ADAT1: variants seen among roughly 807,000 people sequenced by gnomAD.
ADAT1 encodes the protein adenosine deaminase tRNA specific 1.
Under a neutral mutation model 58.6 loss-of-function variants are expected in ADAT1, and 58 were observed. The ratio of observed to expected loss-of-function variants is 0.99; its 90% confidence interval spans 0.80 to 1.23. The LOEUF is 1.23. Among genes scored for constraint, ADAT1 ranks in the 50% most tolerant of loss-of-function variants. The pLI is 0.00. For synonymous variants in ADAT1, 254 were observed against 220.8 expected (o/e 1.15, Z -1.33); for missense variants, 741 against 608.6 (o/e 1.22, Z -2.29).
chr16:75,620,476 C>A, intron 2 of ADAT1, 142 bp from the exon 3 acceptor site: 1 of 1,400,180 alleles, frequency 7.1e-7, no homozygotes, highest in East Asian at 2.3e-5. Context: ...GGCGGTCTCC[C>A]GCCATCAGAG....
chr16:75,608,467 G>A, intron 7 of ADAT1, 144 bp from the exon 8 acceptor site: 1 of 671,894 alleles, frequency 1.5e-6, no homozygotes, highest in Non-Finnish European at 2.5e-6. Flanking sequence ...TTGGATGCTT[G>A]GCCTCCAGGG....
intron 5 of ADAT1, among the ~76,000 whole-genome samples, chr16:75,613,633 T>A (rs1347030367): frequency 1.3e-5 from 2 of 152,094 alleles, no homozygotes; most frequent in Non-Finnish European, 2.9e-5. Context: ...TTGGACTGTA[T>A]CACTGTTTGC....
rs1163510620 is a variant in ADAT1, at chr16:75,618,098, C to CAAAAAAAA, written c.293+480_293+487dup. ...AGGTAACAGAGCAAGACCCTGTGTC[C>CAAAAAAAA]AAAAAAAAAAAAAAAAAAAAAAAAA... is the stretch of plus-strand genomic sequence containing the variant. On this transcript the variant is annotated intron_variant, in intron 4 of 9. Coordinates refer to ENST00000564657, the MANE Select transcript of ADAT1 (RefSeq NM_001324445.2). Among the ~76,000 whole-genome samples the CAAAAAAAA allele has an allele frequency of 2.9e-3, 94 of 32,530 alleles. 6 individuals carry two copies. Among genetic ancestry groups the CAAAAAAAA allele is most frequent in the African/African-American group, 7.3e-3 (85 of 11,590 alleles). 21.3% of individuals were successfully genotyped at this position (32,530 alleles called of 152,430 possible).
chr16:75,621,345 C>T (rs1323750261), intron 1 of ADAT1, among the ~76,000 whole-genome samples: 3 of 151,878 alleles, frequency 2.0e-5, no homozygotes, highest in African/African-American at 2.4e-5. Flanking sequence ...TCAGCAGTTA[C>T]GTGTTCTCAT....
Position 75,612,399 on chromosome 16 carries a change from G to C in ADAT1, c.887C>G (p.Ser296Cys), listed in dbSNP as rs140510876. The change falls in exon 6 of 10, where the codon TCC becomes TGC. Residue 296 changes from serine (S) to cysteine (C), a missense_variant. Ser to Cys is a moderately radical substitution (Grantham distance 112, BLOSUM62 -1). Transcript: ENST00000564657. Reference sequence around the variant, plus strand: ...GGCCATCTTGTCACTACAGGACATGGAGCGTGTTCTGTCTCCACGGCCTGG... The same window carrying C: ...GGCCATCTTGTCACTACAGGACATGCAGCGTGTTCTGTCTCCACGGCCTGG... ...VKPGRGDRTR[S>C]MSCSDKMARW... The C allele has an allele frequency of 6.2e-7, 1 of 1,614,116 alleles. No individual in the cohort carries two copies. Among genetic ancestry groups the C allele is most frequent in the African/African-American group, 1.3e-5 (1 of 74,940 alleles).
At position 75,608,239 on chromosome 16, in the gene ADAT1, C is replaced by A. The variant is rs568839932; in HGVS notation, c.1274G>T (p.Gly425Val). The A allele has an allele frequency of 6.2e-7, 1 of 1,613,994 alleles. No individual in the cohort carries two copies. The highest frequency in any genetic ancestry group is 1.3e-5 in the African/African-American group (1 of 75,032). The stretch of plus-strand genomic sequence containing the variant: ...TATGCTGTACCTTGCCTGAAGGCTT[C>A]CAATTGTTTTCTTTGTTGTTCCCTG... ...FPQGTTKKTI[G>V]SLQARSQISK... is the part of the protein sequence containing the mutation. Residue 425 changes from glycine to valine, a missense_variant, in exon 8 of 10, where the codon GGA (glycine) becomes GTA (valine). Gly to Val is a moderately radical substitution (Grantham distance 109, BLOSUM62 -3). Transcript: ENST00000564657.
Position 75,608,954 on chromosome 16 carries a change from CG to C in ADAT1, c.1077del (p.Phe359LeufsTer6). The C allele has an allele frequency of 6.2e-7, 1 of 1,614,172 alleles. No individual in the cohort carries two copies. Among genetic ancestry groups the C allele is most frequent in the Non-Finnish European group, 8.5e-7 (1 of 1,180,034 alleles). ...CQNVSALPKG[F>X]GVQELKILQS... ...TGCAGTATTTTTAATTCTTGAACTC[CG>C]AAGCCTTTTGGTAAAGCAGACACAT... On this transcript the variant is annotated frameshift_variant, in exon 7 of 10. Coordinates refer to ENST00000564657, the MANE Select transcript of ADAT1 (RefSeq NM_001324445.2). LOFTEE classifies it high-confidence loss of function.
intron 1 of ADAT1, among the ~76,000 whole-genome samples, chr16:75,621,345 C>A (rs1323750261): frequency 6.6e-6 from 1 of 151,878 alleles, no homozygotes; most frequent in Non-Finnish European, 1.5e-5. Flanking sequence ...TCAGCAGTTA[C>A]GTGTTCTCAT....
At chr16:75,617,115 T>C (rs1468851188) in intron 5 of ADAT1, 27 bp downstream of exon 5, 1 of 1,588,456 alleles carries the variant, frequency 6.3e-7, no homozygotes. Flanking sequence ...TCATGTAACA[T>C]TAATCCAAAG....
At position 75,600,331 on chromosome 16, in the gene ADAT1, G is replaced by C; in HGVS notation, c.1394C>G (p.Thr465Ser). 6.2e-7 allele frequency: 1 copy of C among 1,613,816 alleles called. No individual in the cohort carries two copies. Among genetic ancestry groups the C allele is most frequent in the South Asian group, 1.1e-5 (1 of 91,054 alleles). Reference sequence around the variant, plus strand: ...CGCAGCCTCCTTGTACTCCTGGTAGGTATCCAGCTTCTGCACCCTAATGCA... The same window carrying C: ...CGCAGCCTCCTTGTACTCCTGGTAGCTATCCAGCTTCTGCACCCTAATGCA... ...PHSLRVQKLDTYQEYKEAASS... is the reference protein window; with the variant it reads ...PHSLRVQKLDSYQEYKEAASS... Residue 465 changes from threonine (T) to serine (S), a missense_variant, in exon 10 of 10, where the codon ACC becomes AGC. Transcript: ENST00000564657.
chr16:75,617,435 C>A (rs902778616), intron 4 of ADAT1, among the ~76,000 whole-genome samples, 163 bp from the exon 5 acceptor site: 2 of 151,954 alleles, frequency 1.3e-5, no homozygotes, highest in African/African-American at 4.8e-5. Flanking sequence ...AAGTGTGGTC[C>A]CTGTACCAGC....
At chr16:75,604,456 A>AAAAAAAAAATAT (rs1555508674) in intron 8 of ADAT1, among the ~76,000 whole-genome samples, 3 of 48,784 alleles carry the variant, frequency 6.1e-5, no homozygotes, top group African/African-American at 4.2e-4. Flanking sequence ...AAAAAAAAAA[A>AAAAAAAAAATAT]ATATATATAT....
chr16:75,618,502 T>TCC, intron 4 of ADAT1, 84 bp downstream of exon 4: 5 of 813,154 alleles, frequency 6.1e-6, no homozygotes, highest in Admixed American at 3.6e-5. Context: ...CAAGACTCTG[T>TCC]CCCCCCCAAA....
chr16:75,618,751 C>A, intron 3 of ADAT1, 111 bp from the exon 4 acceptor site: 1 of 1,280,228 alleles, frequency 7.8e-7, no homozygotes. Context: ...CATGTAGCTC[C>A]TGGAGAGCTT....
intron 7 of ADAT1, chr16:75,608,533 G>A (rs1451956479): frequency 5.2e-6 from 3 of 580,448 alleles, no homozygotes; most frequent in African/African-American, 1.9e-5. Flanking sequence ...AACAATCACT[G>A]AGCATTTATT....
rs766979964 is a variant in ADAT1, at chr16:75,608,907, C to G, written c.1125G>C (p.Gln375His). The G allele has an allele frequency of 1.2e-5, 20 of 1,614,234 alleles. No homozygotes were observed. The highest frequency in any genetic ancestry group is 1.5e-5 in the Non-Finnish European group (18 of 1,180,030). ...TTTTTGCCTGCACCGCACTGCGGCTCTGTTCAAATAGTAAATCTGACTGCA... is the reference window on the plus strand; with the variant it reads ...TTTTTGCCTGCACCGCACTGCGGCTGTGTTCAAATAGTAAATCTGACTGCA... ...KILQSDLLFE[Q>H]SRSAVQAKRA... Residue 375 changes from glutamine (Q) to histidine (H), a missense_variant, in exon 7 of 10, where the codon CAG becomes CAC. By Grantham distance (24) the Gln-to-His change is conservative. Coordinates refer to ENST00000564657, the MANE Select transcript of ADAT1 (RefSeq NM_001324445.2).
At chr16:75,605,769 C>G (rs909757062) in intron 8 of ADAT1, among the ~76,000 whole-genome samples, 1 of 151,718 alleles carries the variant, frequency 6.6e-6, no homozygotes, top group Non-Finnish European at 1.5e-5. Context: ...AATCCCGTCT[C>G]TACTAAAAAT....
At chr16:75,601,445 C>A (rs1185914178) in intron 9 of ADAT1, among the ~76,000 whole-genome samples, 1 of 151,942 alleles carries the variant, frequency 6.6e-6, no homozygotes, top group Non-Finnish European at 1.5e-5. Flanking sequence ...TACCCTGTCT[C>A]AAAAACAAAC....
At chr16:75,608,097 G>T in intron 8 of ADAT1, 127 bp downstream of exon 8, 3 of 720,808 alleles carry the variant, frequency 4.2e-6, no homozygotes, top group South Asian at 3.4e-5. Context: ...TGAGGAGAGG[G>T]AGGGATAGGT....
Sources: allele counts gnomAD v4.1 joint callset (sites outside exome capture counted in the v4.1 genomes callset), GRCh38; gene constraint gnomAD v4.1.1; transcripts MANE v1.5; gene names NCBI Gene and HGNC (gene_info 2026-07-23, HGNC 2026-07-21).